Variants in HP1BP3 observed in about 807,000 individuals in gnomAD.
The protein encoded by HP1BP3 is heterochromatin protein 1-binding protein 3.
Under a neutral mutation model 62.5 loss-of-function variants are expected in HP1BP3, and 12 were observed. The observed-to-expected ratio is 0.19, with a 90% CI of 0.12 to 0.31. HP1BP3 has a LOEUF of 0.31. Among genes scored for constraint, HP1BP3 ranks in the 10% least tolerant of loss-of-function variants. The pLI is 1.00. For synonymous variants in HP1BP3, 260 were observed against 237.8 expected, an observed-to-expected ratio of 1.09 and a Z score of -0.86; for missense variants, 502 against 651.8, an observed-to-expected ratio of 0.77 and a Z score of 2.50.
Position 20,776,768 on chromosome 1 carries a change from C to G in HP1BP3, c.197-18G>C, listed in dbSNP as rs1012076323. 6.2e-7 allele frequency: 1 copy of G among 1,603,864 alleles called. No homozygotes were observed. Among genetic ancestry groups the G allele is most frequent in the Non-Finnish European group, 8.5e-7 (1 of 1,175,360 alleles). On this transcript the variant is annotated intron_variant, in intron 3 of 12. Coordinates refer to ENST00000438032, the MANE Select transcript of HP1BP3 (RefSeq NM_001372052.1). ...GTCTGGTTCTAAAAAATCAGGTGAG[C>G]AGAATTGCATAAGCAGATGTATTCC...
intron 10 of HP1BP3, among the ~76,000 whole-genome samples, chr1:20,748,548 C>T (rs1413686986): frequency 6.6e-6 from 1 of 152,180 alleles, no homozygotes; most frequent in Non-Finnish European, 1.5e-5. Flanking sequence ...AGATTGAGAT[C>T]ATCTTGGCTA....
intron 1 of HP1BP3, among the ~76,000 whole-genome samples, chr1:20,783,045 C>G (rs1226379058): frequency 6.6e-6 from 1 of 151,922 alleles, no homozygotes; most frequent in Non-Finnish European, 1.5e-5. Context: ...CCAGGAGTTC[C>G]AGGCTACAGT....
At chr1:20,756,351 CTAGATGT>C (rs2056107487) in intron 9 of HP1BP3, among the ~76,000 whole-genome samples, 1 of 151,918 alleles carries the variant, frequency 6.6e-6, no homozygotes, top group East Asian at 1.9e-4. Context: ...TTCTGTTATG[CTAGATGT>C]TAAAGATGTT....
Position 20,744,639 on chromosome 1 carries a change from G to C in HP1BP3, c.*158C>G, listed in dbSNP as rs1026667380. ...GCACCAATAAAAGCACCTAAAGCTA[G>C]CAAATGCCTAAACTGGTTTATTTAG... On this transcript the variant is annotated 3_prime_UTR_variant, in exon 13 of 13. Coordinates refer to ENST00000438032, the MANE Select transcript of HP1BP3 (RefSeq NM_001372052.1). 33 of 668,316 alleles carry C rather than the reference G, an allele frequency of 4.9e-5. No homozygotes were observed. The highest frequency in any genetic ancestry group is 6.9e-5 in the Non-Finnish European group (28 of 403,310). 41.4% of individuals were successfully genotyped at this position (668,316 alleles called of 1,614,324 possible).
chr1:20,784,006 G>A (rs1362590324), intron 1 of HP1BP3, among the ~76,000 whole-genome samples: 3 of 128,390 alleles, frequency 2.3e-5, no homozygotes, highest in African/African-American at 5.9e-5. Context: ...TTTAAGACAC[G>A]GTCTCACTCT....
At chr1:20,768,940 G>C (rs2056922713) in intron 6 of HP1BP3, among the ~76,000 whole-genome samples, 2 of 152,194 alleles carry the variant, frequency 1.3e-5, no homozygotes, top group African/African-American at 2.4e-5. Flanking sequence ...GAGTTGTTTA[G>C]GCATCAAACC....
intron 8 of HP1BP3, among the ~76,000 whole-genome samples, chr1:20,763,385 C>T (rs2056595905): frequency 6.6e-6 from 1 of 152,276 alleles, no homozygotes; most frequent in African/African-American, 2.4e-5. Context: ...GAACTTTCTG[C>T]TTCTATAATT....
At chr1:20,745,199 C>A in intron 12 of HP1BP3, 108 bp from the exon 13 acceptor site, 2 of 1,261,212 alleles carry the variant, frequency 1.6e-6, no homozygotes, top group Non-Finnish European at 2.2e-6. Context: ...TGGTCACTTA[C>A]GTTAAGAATA....
chr1:20,783,540 T>TAA (rs145326681), intron 1 of HP1BP3, among the ~76,000 whole-genome samples: 4,154 of 137,780 alleles, frequency 0.03, 84 homozygotes, highest in Middle Eastern at 0.054. Flanking sequence ...AACAACAATT[T>TAA]AAAAAAAAAA....
chr1:20,771,114 A>G, intron 5 of HP1BP3, 41 bp from the exon 6 acceptor site: 1 of 1,460,898 alleles, frequency 6.8e-7, no homozygotes, highest in Non-Finnish European at 9.4e-7. Flanking sequence ...TTTTTATTAG[A>G]TAGAGCCTGA....
chr1:20,741,013 T>A lies in HP1BP3; in HGVS notation c.*3784A>T, dbSNP rs16824570. On this transcript the variant is annotated 3_prime_UTR_variant, in exon 13 of 13. Transcript: ENST00000438032. ...GGCTCTGCAGAAGTGAGTGACCATC[T>A]GTTCCACCATGAAAATGCAAAAGCA... Among the ~76,000 whole-genome samples, 5,248 of 152,320 alleles carry A rather than the reference T, an allele frequency of 0.034. 169 individuals are homozygous for A. Among genetic ancestry groups the A allele is most frequent in the East Asian group, 0.12 (618 of 5,184 alleles).
chr1:20,763,616 A>G (rs1411007212), intron 8 of HP1BP3, among the ~76,000 whole-genome samples: 1 of 152,232 alleles, frequency 6.6e-6, no homozygotes, highest in Admixed American at 6.5e-5. Context: ...ATTTTCTAGA[A>G]GTCATCTCAC....
At chr1:20,765,595 A>C in intron 7 of HP1BP3, 64 bp from the exon 8 acceptor site, 1 of 1,318,672 alleles carries the variant, frequency 7.6e-7, no homozygotes, top group Non-Finnish European at 1.1e-6. Context: ...ATACAACTCA[A>C]GGGCTTTCCT....
intron 1 of HP1BP3, among the ~76,000 whole-genome samples, chr1:20,782,418 A>AC (rs1418338890): frequency 2.6e-5 from 4 of 151,574 alleles, no homozygotes; most frequent in Non-Finnish European, 5.9e-5. Context: ...TGTCTCTAAA[A>AC]AAAAAAAATT....
At position 20,744,130 on chromosome 1, in the gene HP1BP3, T is replaced by C. The variant is rs1382205581; in HGVS notation, c.*667A>G. On this transcript the variant is annotated 3_prime_UTR_variant, in exon 13 of 13. Coordinates refer to ENST00000438032, the MANE Select transcript of HP1BP3 (RefSeq NM_001372052.1). ...GATATAGAGAACTTGTGCTTGCTGT[T>C]AAGGGAATGCAATACTTTGGGCCAG... The C allele has an allele frequency of 6.6e-6, 1 of 152,542 alleles. No homozygotes were observed. The highest frequency in any genetic ancestry group is 1.5e-5 in the Non-Finnish European group (1 of 68,042). The allele number at this position is 152,542 out of a possible 1,614,324, so 9.4% of individuals were successfully genotyped here. A position where few individuals can be genotyped will look rare whatever the true frequency, so the allele number is the denominator to read the frequency against.
chr1:20,767,549 TCC>T, intron 7 of HP1BP3, 33 bp downstream of exon 7: 2 of 1,324,342 alleles, frequency 1.5e-6, no homozygotes, highest in Non-Finnish European at 2.2e-6. Flanking sequence ...CAGTAACAGC[TCC>T]ACAGCACTCA....
intron 7 of HP1BP3, among the ~76,000 whole-genome samples, chr1:20,766,928 G>A (rs957169027): frequency 6.6e-6 from 1 of 152,018 alleles, no homozygotes; most frequent in Non-Finnish European, 1.5e-5. Context: ...GGGCAATAGA[G>A]CAAGATTCTA....
chr1:20,748,134 C>T (rs769374237), intron 10 of HP1BP3, among the ~76,000 whole-genome samples: 21 of 151,568 alleles, frequency 1.4e-4, no homozygotes, highest in Non-Finnish European at 2.9e-4. Flanking sequence ...AAGTGACTTG[C>T]TCTAAGGTAG....
At chr1:20,758,139 CT>C (rs2056236520) in intron 8 of HP1BP3, among the ~76,000 whole-genome samples, 1 of 152,092 alleles carries the variant, frequency 6.6e-6, no homozygotes, top group Admixed American at 6.5e-5. Context: ...GAGCAAGACT[CT>C]GTCTCAAAAA....
Sources: allele counts gnomAD v4.1 joint callset (sites outside exome capture counted in the v4.1 genomes callset), GRCh38; gene constraint gnomAD v4.1.1; transcripts MANE v1.5; gene names NCBI Gene and HGNC (gene_info 2026-07-23, HGNC 2026-07-21).